The following DCAF1 variants were observed in gnomAD, a reference collection of about 807,000 sequenced individuals.
DCAF1 encodes the protein DDB1- and CUL4-associated factor 1.
Under a neutral mutation model 128.0 loss-of-function variants are expected in DCAF1, and 15 were observed. The ratio of observed to expected loss-of-function variants is 0.12; its 90% confidence interval spans 0.08 to 0.18. The LOEUF (loss-of-function observed/expected upper bound fraction) is 0.18, where lower values mean the gene tolerates loss of function less well. DCAF1 is among the 10% of genes least tolerant of loss of function. The probability of loss-of-function intolerance (pLI) is 1.00; values close to 1 mark genes in which losing one functional copy is unlikely to be tolerated. For synonymous variants in DCAF1, 610 were observed against 603.0 expected, an observed-to-expected ratio of 1.01 and a Z score of -0.17; for missense variants, 988 against 1,649.5, an observed-to-expected ratio of 0.60 and a Z score of 6.95.
At chr3:51,400,434 C>G (rs1668662621) in intron 24 of DCAF1, among the ~76,000 whole-genome samples, 2 of 152,206 alleles carry the variant, frequency 1.3e-5, no homozygotes, top group African/African-American at 4.8e-5. Flanking sequence ...CCCTTCTGCC[C>G]AGCAGCTATG....
intron 3 of DCAF1, among the ~76,000 whole-genome samples, chr3:51,479,042 C>A (rs566995364): frequency 6.6e-6 from 1 of 152,300 alleles, no homozygotes; most frequent in East Asian, 1.9e-4. Flanking sequence ...AGGATCCCCA[C>A]ATTCCAGTGA....
rs868943884 is a variant in DCAF1, at chr3:51,456,286, C to T, written c.375+6828G>A. 4.6e-4 allele frequency among the ~76,000 whole-genome samples: 70 copies of T among 152,326 alleles called. No homozygotes were observed. In the Middle Eastern group the frequency reaches 0.01, roughly 22 times the overall value. ...CCCGCACCTGGCTCGGAGGGTCCTA[C>T]GCCCACAGAGTCTCCCTCATTGCTA... On this transcript the variant is annotated intron_variant, in intron 6 of 24. Coordinates refer to ENST00000684031, the MANE Select transcript of DCAF1 (RefSeq NM_001387579.1).
intron 23 of DCAF1, among the ~76,000 whole-genome samples, chr3:51,406,617 C>G (rs2090132124): frequency 6.6e-6 from 1 of 152,156 alleles, no homozygotes. Context: ...ATAAACAACT[C>G]ACCCCTTTCC....
At chr3:51,490,143 G>A (rs567953276) in intron 2 of DCAF1, among the ~76,000 whole-genome samples, 1 of 152,210 alleles carries the variant, frequency 6.6e-6, no homozygotes, top group South Asian at 2.1e-4. Flanking sequence ...GGCCGGGAAG[G>A]GTGGCTCACA....
chr3:51,424,062 T>C (rs1577100576), intron 13 of DCAF1, among the ~76,000 whole-genome samples: 1 of 151,814 alleles, frequency 6.6e-6, no homozygotes, highest in African/African-American at 2.4e-5. Flanking sequence ...ATGTAAGATA[T>C]AAAATTAAAA....
At position 51,433,088 on chromosome 3, in the gene DCAF1, C is replaced by A. The variant is rs1700530800; in HGVS notation, c.1287+18G>T. The stretch of plus-strand genomic sequence containing the variant: ...CCCAACCTAATCTCATCCCCACAAA[C>A]CTGTATAGATGACTTACTCTTTCCA... On this transcript the variant is annotated intron_variant, in intron 10 of 24. Coordinates refer to ENST00000684031, the MANE Select transcript of DCAF1 (RefSeq NM_001387579.1). 3 of 398,444 alleles carry A rather than the reference C, an allele frequency of 7.5e-6. No homozygotes were observed. Among genetic ancestry groups the A allele is most frequent in the Non-Finnish European group, 1.3e-5 (3 of 225,996 alleles). 24.7% of individuals were successfully genotyped at this position (398,444 alleles called of 1,614,324 possible).
rs980859021 is a variant in DCAF1 at position 51,403,418 on chromosome 3, A to G, written c.4213-23T>C. 8.4e-6 allele frequency: 13 copies of G among 1,551,334 alleles called. No homozygotes were observed. The African/African-American group carries it at 1.4e-4, about 16-fold the overall frequency. On this transcript the variant is annotated intron_variant, in intron 23 of 24. Coordinates refer to ENST00000684031, the MANE Select transcript of DCAF1 (RefSeq NM_001387579.1). The stretch of plus-strand genomic sequence containing the variant: ...TTCCTGGTAAGAAAGCGTAATGTTC[A>G]TTAGTACAAACACAGAGGCCTGACC...
chr3:51,446,962 A>AT (rs1553640357), intron 6 of DCAF1, among the ~76,000 whole-genome samples: 65 of 131,496 alleles, frequency 4.9e-4, no homozygotes, highest in Non-Finnish European at 7.2e-4. Flanking sequence ...CTTTGTCTCA[A>AT]AAATAATAAT....
intron 3 of DCAF1, among the ~76,000 whole-genome samples, chr3:51,471,450 T>C (rs1553648394): frequency 2.0e-5 from 3 of 152,052 alleles, no homozygotes; most frequent in Non-Finnish European, 4.4e-5. Context: ...CCCAAAGTGC[T>C]GGGATGACAG....
chr3:51,443,152 G>A (rs1169920591), intron 7 of DCAF1, among the ~76,000 whole-genome samples: 2 of 152,166 alleles, frequency 1.3e-5, no homozygotes, highest in Non-Finnish European at 2.9e-5. Context: ...TTTAGGTGAT[G>A]TATATATGTA....
intron 2 of DCAF1, among the ~76,000 whole-genome samples, chr3:51,484,306 C>G (rs1706653102): frequency 6.6e-6 from 1 of 151,920 alleles, no homozygotes; most frequent in Admixed American, 6.6e-5. Context: ...AACCCTGTCT[C>G]TACTAAAAAT....
At chr3:51,400,899 A>T (rs999275154) in intron 24 of DCAF1, among the ~76,000 whole-genome samples, 1 of 152,026 alleles carries the variant, frequency 6.6e-6, no homozygotes, top group African/African-American at 2.4e-5. Context: ...TTGGGAGGCC[A>T]AAGCAGGCGG....
At chr3:51,477,309 T>C (rs2108313130) in intron 3 of DCAF1, among the ~76,000 whole-genome samples, 1 of 149,278 alleles carries the variant, frequency 6.7e-6, no homozygotes, top group East Asian at 2.0e-4. Flanking sequence ...TGCAGCCAGA[T>C]GAGTGAAGAA....
intron 2 of DCAF1, among the ~76,000 whole-genome samples, chr3:51,495,854 T>C (rs1246570327): frequency 6.6e-6 from 1 of 152,174 alleles, no homozygotes; most frequent in East Asian, 1.9e-4. Flanking sequence ...GACACAATCT[T>C]GGCTCACTGC....
intron 2 of DCAF1, among the ~76,000 whole-genome samples, chr3:51,492,146 A>T (rs191535551): frequency 7.5e-4 from 114 of 151,670 alleles, no homozygotes; most frequent in African/African-American, 2.7e-3. Flanking sequence ...TGACAGAGCA[A>T]GACCCGTCTC....
At chr3:51,457,588 A>G (rs1489110096) in intron 6 of DCAF1, among the ~76,000 whole-genome samples, 2 of 152,184 alleles carry the variant, frequency 1.3e-5, no homozygotes, top group African/African-American at 2.4e-5. Context: ...CCTCAAGAAG[A>G]GCAACTCCAA....
intron 4 of DCAF1, among the ~76,000 whole-genome samples, chr3:51,467,895 A>G (rs1420513566): frequency 6.6e-6 from 1 of 152,136 alleles, no homozygotes; most frequent in African/African-American, 2.4e-5. Flanking sequence ...GCATGCTTCT[A>G]TTGATGGGTG....
chr3:51,407,933 C>G (rs1698027869), intron 23 of DCAF1, among the ~76,000 whole-genome samples: 1 of 124,338 alleles, frequency 8.0e-6, no homozygotes, highest in African/African-American at 3.2e-5. Context: ...TGCAGTGAGC[C>G]AAGATCGCAA....
In DCAF1 at chr3:51,483,609, T is replaced by TG; in HGVS notation, c.110+109_110+110insC. On this transcript the variant is annotated intron_variant, in intron 3 of 24. Transcript: ENST00000684031. ...AATTTTTGCTTCTTTTTAAACTAGT[T>TG]TGTGTGTGTGTGTGTGTGTGTGTGT... is the stretch of plus-strand genomic sequence containing the variant. 2.7e-5 allele frequency: 13 copies of TG among 474,804 alleles called. No individual in the cohort carries two copies. The East Asian group carries it at 3.7e-4, about 14-fold the overall frequency. The allele number at this position is 474,804 out of a possible 1,614,324, so 29.4% of individuals were successfully genotyped here.
Sources: gnomAD v4.1 joint callset for allele counts (sites outside exome capture counted in the v4.1 genomes callset) on GRCh38, gnomAD v4.1.1 for gene constraint, MANE v1.5 for transcripts, NCBI Gene and HGNC (gene_info 2026-07-23, HGNC 2026-07-21) for gene names.